CTNNA3: variants seen among roughly 807,000 people sequenced by gnomAD.
The protein encoded by CTNNA3 is catenin alpha-3.
In CTNNA3, 76 loss-of-function variants were observed where a neutral mutation model predicts 95.7. The ratio of observed to expected loss-of-function variants is 0.79; its 90% confidence interval spans 0.66 to 0.96. CTNNA3 has a LOEUF of 0.96. Among genes scored for constraint, CTNNA3 ranks in the 40% least tolerant of loss-of-function variants. CTNNA3 has a pLI of 0.00. For missense variants in CTNNA3, 1,191 were observed against 1,089.8 expected, an observed-to-expected ratio of 1.09 and a Z score of -1.31; for synonymous variants, 431 against 374.4, an observed-to-expected ratio of 1.15 and a Z score of -1.74.
Position 66,733,404 on chromosome 10 carries a change from C to A in CTNNA3, c.1281+32860G>T, listed in dbSNP as rs149623963. Among the ~76,000 whole-genome samples the A allele has an allele frequency of 3.2e-3, 480 of 151,904 alleles. 5 individuals carry two copies. The highest frequency in any genetic ancestry group is 0.011 in the African/African-American group (448 of 41,518). ...ATATTATGATTTTTCTTATTGTTTT[C>A]TTCATTGCAGATTATAATTAAGATG... On this transcript the variant is annotated intron_variant, in intron 9 of 17. Transcript: ENST00000433211.
At chr10:67,077,450 G>T (rs1221542998) in intron 7 of CTNNA3, among the ~76,000 whole-genome samples, 1 of 152,130 alleles carries the variant, frequency 6.6e-6, no homozygotes, top group Middle Eastern at 3.4e-3. Flanking sequence ...CCCCCATCCT[G>T]CCATATCCCT....
intron 12 of CTNNA3, among the ~76,000 whole-genome samples, chr10:66,285,188 A>G (rs1414234166): frequency 6.6e-6 from 1 of 151,936 alleles, no homozygotes; most frequent in African/African-American, 2.4e-5. Context: ...CTATCTTTCA[A>G]GAATATCTGG....
chr10:66,422,576 G>A (rs1313504446), intron 11 of CTNNA3, among the ~76,000 whole-genome samples: 3 of 151,086 alleles, frequency 2.0e-5, no homozygotes, highest in Admixed American at 6.6e-5. Context: ...TTCTATTGTT[G>A]ATAGACTCTT....
At chr10:66,934,286 C>T (rs1381410390) in intron 7 of CTNNA3, among the ~76,000 whole-genome samples, 2 of 151,960 alleles carry the variant, frequency 1.3e-5, no homozygotes, top group African/African-American at 4.8e-5. Context: ...TTTTTAAGGG[C>T]TCTCACTTCT....
chr10:67,039,701 A>G (rs929466983), intron 7 of CTNNA3, among the ~76,000 whole-genome samples: 97 of 152,292 alleles, frequency 6.4e-4, no homozygotes, highest in Non-Finnish European at 9.6e-4. Context: ...TAAGTAAATC[A>G]GGATTAAGAA....
intron 5 of CTNNA3, among the ~76,000 whole-genome samples, chr10:67,343,241 G>A (rs535603473): frequency 3.3e-4 from 50 of 152,194 alleles, no homozygotes; most frequent in African/African-American, 1.1e-3. Flanking sequence ...GTGAGGCACC[G>A]CGCCCAGCCC....
At chr10:67,585,600 G>A (rs775084782) in intron 3 of CTNNA3, among the ~76,000 whole-genome samples, 14 of 151,892 alleles carry the variant, frequency 9.2e-5, no homozygotes, top group Non-Finnish European at 1.8e-4. Context: ...ATTTCTTCTA[G>A]GTTTTCTAGT....
intron 9 of CTNNA3, among the ~76,000 whole-genome samples, chr10:66,740,737 T>C (rs1454323268): frequency 6.6e-6 from 1 of 152,228 alleles, no homozygotes; most frequent in Non-Finnish European, 1.5e-5. Flanking sequence ...ACTATGGTAG[T>C]TTCATGAGTT....
At chr10:67,536,538 CTT>C (rs1331073485) in intron 4 of CTNNA3, among the ~76,000 whole-genome samples, 1 of 152,052 alleles carries the variant, frequency 6.6e-6, no homozygotes, top group Non-Finnish European at 1.5e-5. Context: ...CACTATGATT[CTT>C]TTGATTCCAA....
chr10:67,177,108 A>G, intron 7 of CTNNA3: 2 of 383,628 alleles, frequency 5.2e-6, no homozygotes, highest in Non-Finnish European at 1.0e-5. Context: ...ACAGGACAGT[A>G]TATATTAGGG....
rs538588502 is a variant in CTNNA3 at position 67,038,535 on chromosome 10, G to A, written c.1047+141782C>T. On this transcript the variant is annotated intron_variant, in intron 7 of 17. Transcript: ENST00000433211. Reference sequence around the variant, plus strand: ...AGGTTGATATATATTCTGATATCATGGAAATTTCAATGGATTATAAAATCA... The same window carrying A: ...AGGTTGATATATATTCTGATATCATAGAAATTTCAATGGATTATAAAATCA... Among the ~76,000 whole-genome samples the A allele has an allele frequency of 3.3e-5, 5 of 152,144 alleles. No individual in the cohort carries two copies. In the East Asian group the frequency reaches 9.6e-4, roughly 29 times the overall value.
intron 7 of CTNNA3, among the ~76,000 whole-genome samples, chr10:66,831,061 G>T (rs1284174531): frequency 2.0e-5 from 3 of 152,112 alleles, no homozygotes; most frequent in African/African-American, 7.2e-5. Flanking sequence ...TTACTCCCAT[G>T]AAATAGCCTC....
intron 16 of CTNNA3, among the ~76,000 whole-genome samples, chr10:65,985,187 A>G (rs1385761108): frequency 2.0e-5 from 3 of 150,720 alleles, no homozygotes; most frequent in African/African-American, 7.3e-5. Flanking sequence ...GAACAATAGT[A>G]ATCATTATAA....
At chr10:66,968,915 G>A (rs145290843) in intron 7 of CTNNA3, among the ~76,000 whole-genome samples, 1,850 of 152,066 alleles carry the variant, frequency 0.012, 25 homozygotes, top group Non-Finnish European at 0.017. Flanking sequence ...TGCTGGGGGC[G>A]CTGAGGCAGG....
chr10:67,029,677 A>C (rs1027468588), intron 7 of CTNNA3, among the ~76,000 whole-genome samples: 1 of 152,210 alleles, frequency 6.6e-6, no homozygotes, highest in Non-Finnish European at 1.5e-5. Context: ...CAAAAGACTT[A>C]AGTGTGGCTC....
intron 13 of CTNNA3, among the ~76,000 whole-genome samples, chr10:66,271,138 C>G (rs1400720009): frequency 1.3e-5 from 2 of 152,112 alleles, no homozygotes; most frequent in East Asian, 3.9e-4. Context: ...CCTCAAGTGC[C>G]TCTATTCACT....
chr10:66,400,952 T>A (rs1445769318), intron 11 of CTNNA3, among the ~76,000 whole-genome samples: 1 of 152,052 alleles, frequency 6.6e-6, no homozygotes, highest in African/African-American at 2.4e-5. Flanking sequence ...CTGGGAGTAT[T>A]CTGAATTGGA....
intron 13 of CTNNA3, among the ~76,000 whole-genome samples, chr10:66,257,861 C>A (rs918153228): frequency 6.6e-6 from 1 of 152,162 alleles, no homozygotes; most frequent in Non-Finnish European, 1.5e-5. Context: ...TCCTATTGTC[C>A]CAAACACTTA....
chr10:66,511,925 G>C (rs1296883010), intron 11 of CTNNA3, among the ~76,000 whole-genome samples: 2 of 151,910 alleles, frequency 1.3e-5, no homozygotes, highest in Non-Finnish European at 2.9e-5. Flanking sequence ...TTGACTTTCT[G>C]TATAGATTAG....
Sources: gnomAD v4.1 joint callset for allele counts (sites outside exome capture counted in the v4.1 genomes callset) on GRCh38, gnomAD v4.1.1 for gene constraint, MANE v1.5 for transcripts, NCBI Gene and HGNC (gene_info 2026-07-23, HGNC 2026-07-21) for gene names.